LINGO1: variants seen among roughly 807,000 people sequenced by gnomAD.
The protein encoded by LINGO1 is leucine-rich repeat and immunoglobulin-like domain-containing nogo receptor-interacting protein 1.
Under a neutral mutation model 37.3 loss-of-function variants are expected in LINGO1, and 11 were observed. The observed-to-expected ratio is 0.29, with a 90% confidence interval of 0.19 to 0.49. The LOEUF (loss-of-function observed/expected upper bound fraction) is 0.49. LINGO1 is among the 20% of genes least tolerant of loss of function. The pLI is 0.99. For missense variants in LINGO1, 585 were observed against 878.2 expected, an observed-to-expected ratio of 0.67 and a Z score of 4.22; for synonymous variants, 387 against 403.0, an observed-to-expected ratio of 0.96 and a Z score of 0.48.
chr15:77,704,828 C>G (rs1044042490), intron 2 of LINGO1, among the ~76,000 whole-genome samples: 2 of 152,206 alleles, frequency 1.3e-5, no homozygotes, highest in Non-Finnish European at 2.9e-5. Flanking sequence ...ACATACTGAG[C>G]CCTGACTGTG....
chr15:77,800,283 C>T (rs1024837994), intron 1 of LINGO1, among the ~76,000 whole-genome samples: 3 of 152,242 alleles, frequency 2.0e-5, no homozygotes, highest in Admixed American at 2.0e-4. Context: ...CTAAGGGCTG[C>T]CACCACTGCC....
chr15:77,657,184 C>A (rs1026074182), intron 3 of LINGO1, among the ~76,000 whole-genome samples: 1 of 152,164 alleles, frequency 6.6e-6, no homozygotes, highest in African/African-American at 2.4e-5. Flanking sequence ...ACTCATCCTG[C>A]CTCTTTTTCT....
intron 1 of LINGO1, among the ~76,000 whole-genome samples, chr15:77,760,902 T>G (rs2076469259): frequency 6.6e-6 from 1 of 150,898 alleles, no homozygotes; most frequent in Non-Finnish European, 1.5e-5. Flanking sequence ...TTTGTTGTGA[T>G]TGTTAATAAG....
intron 1 of LINGO1, among the ~76,000 whole-genome samples, chr15:77,691,599 A>G (rs2075604120): frequency 6.6e-6 from 1 of 152,008 alleles, no homozygotes; most frequent in Non-Finnish European, 1.5e-5. Flanking sequence ...CCTCTAGCAA[A>G]GCAGCCCCAA....
intron 3 of LINGO1, among the ~76,000 whole-genome samples, chr15:77,650,265 G>A (rs2074730383): frequency 6.6e-6 from 1 of 152,180 alleles, no homozygotes; most frequent in Non-Finnish European, 1.5e-5. Flanking sequence ...GGCTTTCAGA[G>A]ACTATGCCAT....
chr15:77,756,308 G>C (rs891252746), intron 1 of LINGO1, among the ~76,000 whole-genome samples: 10 of 152,042 alleles, frequency 6.6e-5, no homozygotes, highest in African/African-American at 2.2e-4. Flanking sequence ...AGGAAGACTG[G>C]GCCCAAAAAA....
chr15:77,710,677 G>A (rs180924365), intron 2 of LINGO1, among the ~76,000 whole-genome samples: 8 of 152,196 alleles, frequency 5.3e-5, no homozygotes, highest in Admixed American at 2.0e-4. Flanking sequence ...CTTTTGTTTC[G>A]CTGAAGAAGA....
At chr15:77,673,637 G>A (rs2075285642) in intron 3 of LINGO1, among the ~76,000 whole-genome samples, 1 of 152,156 alleles carries the variant, frequency 6.6e-6, no homozygotes, top group African/African-American at 2.4e-5. Flanking sequence ...GAGGTCTGGG[G>A]GTTGGGACAT....
chr15:77,739,215 C>A (rs144644531), intron 1 of LINGO1, among the ~76,000 whole-genome samples: 40 of 152,346 alleles, frequency 2.6e-4, no homozygotes, highest in Middle Eastern at 3.4e-3. Context: ...GTGTTCGCAG[C>A]GGAAATTGGT....
intron 3 of LINGO1, chr15:77,648,940 C>T (rs1159051973): frequency 6.6e-6 from 1 of 152,388 alleles, no homozygotes; most frequent in Non-Finnish European, 1.5e-5. Flanking sequence ...TGCAGCCACA[C>T]ACCCCAGTGG....
chr15:77,748,176 C>T (rs1488404854), intron 1 of LINGO1, among the ~76,000 whole-genome samples: 9 of 152,250 alleles, frequency 5.9e-5, no homozygotes. Context: ...AACACCAGGA[C>T]TAGAAACCCT....
chr15:77,655,139 C>T (rs934727567), intron 3 of LINGO1, among the ~76,000 whole-genome samples: 3 of 152,182 alleles, frequency 2.0e-5, no homozygotes, highest in South Asian at 2.1e-4. Flanking sequence ...AGAGCAATGT[C>T]GCAGTGCTGG....
upstream of LINGO1, among the ~76,000 whole-genome samples, chr15:77,789,508 G>A (rs112911867): frequency 0.02 from 3,016 of 152,282 alleles, 51 homozygotes; most frequent in Middle Eastern, 0.085. Context: ...GCAGGAGGCT[G>A]AGGCACGAGA....
chr15:77,677,468 C>G (rs2075347150), intron 2 of LINGO1, among the ~76,000 whole-genome samples: 1 of 152,130 alleles, frequency 6.6e-6, no homozygotes, highest in African/African-American at 2.4e-5. Flanking sequence ...CCATGTCCTC[C>G]AAAGGTCAGC....
At chr15:77,778,767 C>T (rs1381385803) in intron 1 of LINGO1, among the ~76,000 whole-genome samples, 1 of 152,220 alleles carries the variant, frequency 6.6e-6, no homozygotes, top group African/African-American at 2.4e-5. Context: ...CTTCCTACTT[C>T]TGTCCTGCCT....
chr15:77,802,638 C>T (rs1488462685), intron 1 of LINGO1, among the ~76,000 whole-genome samples: 1 of 152,122 alleles, frequency 6.6e-6, no homozygotes, highest in Non-Finnish European at 1.5e-5. Flanking sequence ...GTTTGCACAG[C>T]TCGTGTTCCA....
intron 2 of LINGO1, among the ~76,000 whole-genome samples, chr15:77,705,006 C>T (rs2075832119): frequency 6.6e-6 from 1 of 152,116 alleles, no homozygotes; most frequent in South Asian, 2.1e-4. Flanking sequence ...CTCCCATCTC[C>T]TTGTGGAGAA....
intron 1 of LINGO1, among the ~76,000 whole-genome samples, chr15:77,621,437 G>A (rs919084874): frequency 6.6e-6 from 1 of 152,338 alleles, no homozygotes; most frequent in Non-Finnish European, 1.5e-5. Flanking sequence ...GAGAAAAACA[G>A]AGGCTCTGAA....
rs202205050 is a variant in LINGO1 at position 77,691,117 on chromosome 15, C to T, written c.-280-216G>A. Among the ~76,000 whole-genome samples the T allele has an allele frequency of 3.9e-5, 6 of 152,266 alleles. No homozygotes were observed. In the East Asian group the frequency reaches 9.6e-4, roughly 24 times the overall value. On this transcript the variant is annotated intron_variant, in intron 1 of 3. Coordinates refer to the LINGO1 transcript ENST00000559893. ...CAATATGGCAGCCACCAGTCATATG[C>T]GGATATTGCAATGTGGATAGTGTGA... is the stretch of plus-strand genomic sequence containing the variant.
Sources: allele counts gnomAD v4.1 joint callset (sites outside exome capture counted in the v4.1 genomes callset), GRCh38; gene constraint gnomAD v4.1.1; transcripts MANE v1.5; gene names NCBI Gene and HGNC (gene_info 2026-07-23, HGNC 2026-07-21).